The following FSHR variants were observed in gnomAD, a reference collection of about 807,000 sequenced individuals.
The protein encoded by FSHR is follicle stimulating hormone receptor.
Under a neutral mutation model 52.1 loss-of-function variants are expected in FSHR, and 46 were observed. That is an observed-to-expected ratio of 0.88 (90% CI 0.70 to 1.13). FSHR has a LOEUF of 1.13. FSHR is among the 50% of genes most tolerant of loss of function. The probability of loss-of-function intolerance (pLI) is 0.00; values close to 1 mark genes in which losing one functional copy is unlikely to be tolerated. For missense variants in FSHR, 964 were observed against 834.6 expected, an observed-to-expected ratio of 1.16 and a Z score of -1.91; for synonymous variants, 399 against 309.6, an observed-to-expected ratio of 1.29 and a Z score of -3.03.
At chr2:48,972,550 A>C (rs1674789158) in intron 8 of FSHR, among the ~76,000 whole-genome samples, 1 of 152,102 alleles carries the variant, frequency 6.6e-6, no homozygotes. Flanking sequence ...CTCTTTTGGC[A>C]ACGCCTCTTC....
intron 2 of FSHR, among the ~76,000 whole-genome samples, chr2:49,066,655 G>A (rs979388220): frequency 6.6e-6 from 1 of 152,122 alleles, no homozygotes; most frequent in Admixed American, 6.6e-5. Context: ...TACTGAGCCA[G>A]CTGCTGTGGT....
At chr2:49,021,985 T>G in intron 2 of FSHR, among the ~76,000 whole-genome samples, 1 of 141,962 alleles carries the variant, frequency 7.0e-6, no homozygotes. Context: ...GTACAGGGAG[T>G]TCTGAGAGGT....
At chr2:48,994,413 T>C (rs1675926756) in intron 4 of FSHR, among the ~76,000 whole-genome samples, 1 of 152,162 alleles carries the variant, frequency 6.6e-6, no homozygotes, top group African/African-American at 2.4e-5. Context: ...CTTTGATCTT[T>C]ATAGGAAAGA....
chr2:49,023,510 G>T (rs1374404935), intron 2 of FSHR, among the ~76,000 whole-genome samples: 3 of 152,174 alleles, frequency 2.0e-5, no homozygotes, highest in Non-Finnish European at 2.9e-5. Context: ...AGCCTAGCTT[G>T]TCTATGACTT....
At chr2:49,077,515 T>A (rs534860833) in intron 1 of FSHR, among the ~76,000 whole-genome samples, 1 of 152,110 alleles carries the variant, frequency 6.6e-6, no homozygotes, top group African/African-American at 2.4e-5. Flanking sequence ...TGGAGACATT[T>A]CCCCATGTTG....
rs1017103192 is a variant in FSHR at position 48,999,701 on chromosome 2, G to A, written c.375-9064C>T. Among the ~76,000 whole-genome samples the A allele has an allele frequency of 7.9e-5, 12 of 152,034 alleles. 1 individual carries two copies. The highest frequency in any genetic ancestry group is 6.2e-4 in the South Asian group (3 of 4,818). ...ATGAAATGTTACAATGGTCAAATAC[G>A]TTTAGGGAATGCTGGGTTAATAAGG... On this transcript the variant is annotated intron_variant, in intron 4 of 9. Coordinates refer to ENST00000406846, the MANE Select transcript of FSHR (RefSeq NM_000145.4).
intron 4 of FSHR, among the ~76,000 whole-genome samples, chr2:48,992,915 C>A (rs1046753070): frequency 2.0e-5 from 3 of 152,152 alleles, no homozygotes; most frequent in African/African-American, 7.2e-5. Flanking sequence ...CCAAAGTCTA[C>A]AAACTCACCA....
intron 2 of FSHR, among the ~76,000 whole-genome samples, chr2:49,065,871 G>A (rs1487599318): frequency 2.0e-5 from 3 of 152,122 alleles, no homozygotes; most frequent in Non-Finnish European, 2.9e-5. Context: ...TTAATAGGGA[G>A]GCAGGAGAGT....
intron 6 of FSHR, among the ~76,000 whole-genome samples, chr2:48,985,540 G>A (rs1573047509): frequency 6.6e-6 from 1 of 152,112 alleles, no homozygotes; most frequent in Non-Finnish European, 1.5e-5. Flanking sequence ...GAAGGGCTCA[G>A]AAGCCTCTAC....
chr2:48,962,742 G>C lies in FSHR; in HGVS notation c.2079C>G (p.Ala693=). The stretch of plus-strand genomic sequence containing the variant: ...ATTTTCACATTGTGTTTTAGTTTTG[G>C]GCTAAATGACTTAGAGGGACAAGTA... The part of the protein sequence containing the change: ...TYILVPLSHL[A]QN The change falls in exon 10 of 10, where the codon GCC becomes GCG. Residue 693 remains alanine (A), a synonymous_variant. Transcript: ENST00000406846. The C allele has an allele frequency of 6.2e-7, 1 of 1,613,654 alleles. No individual in the cohort carries two copies.
intron 2 of FSHR, among the ~76,000 whole-genome samples, chr2:49,036,873 T>G (rs1289665952): frequency 6.6e-6 from 1 of 152,166 alleles, no homozygotes; most frequent in East Asian, 1.9e-4. Flanking sequence ...GAATAAAATA[T>G]GTCAAACATT....
At chr2:48,980,312 T>C (rs761445952) in intron 8 of FSHR, among the ~76,000 whole-genome samples, 11 of 152,230 alleles carry the variant, frequency 7.2e-5, no homozygotes, top group Non-Finnish European at 1.6e-4. Context: ...GTAAATTGTA[T>C]TCCCTTAATT....
chr2:49,113,086 G>T (rs17038257), intron 1 of FSHR, among the ~76,000 whole-genome samples: 7,759 of 152,132 alleles, frequency 0.051, 634 homozygotes, highest in African/African-American at 0.17. Flanking sequence ...CGCTCTAGAG[G>T]TTATGACTAA....
chr2:49,041,270 G>A (rs1439760127), intron 2 of FSHR, among the ~76,000 whole-genome samples: 2 of 152,084 alleles, frequency 1.3e-5, no homozygotes, highest in African/African-American at 4.8e-5. Flanking sequence ...GCTCATTTGT[G>A]ATGAGTATGG....
intron 3 of FSHR, among the ~76,000 whole-genome samples, chr2:49,019,060 C>T (rs1667599931): frequency 6.6e-6 from 1 of 152,170 alleles, no homozygotes; most frequent in Non-Finnish European, 1.5e-5. Context: ...GGAGGTAGTT[C>T]ATTGGCTTTC....
intron 1 of FSHR, among the ~76,000 whole-genome samples, chr2:49,120,003 C>G (rs1166635810): frequency 6.6e-6 from 1 of 152,192 alleles, no homozygotes; most frequent in Admixed American, 6.5e-5. Flanking sequence ...GGCATCGTGG[C>G]TCACACCTGT....
intron 4 of FSHR, among the ~76,000 whole-genome samples, chr2:48,999,998 T>C (rs1465506648): frequency 1.3e-5 from 2 of 152,138 alleles, no homozygotes; most frequent in African/African-American, 4.8e-5. Context: ...TGGTAAACTC[T>C]GTCTTAGGAG....
chr2:48,962,958 G>A lies in FSHR; in HGVS notation c.1863C>T (p.Ala621=). 6.2e-7 allele frequency: 1 copy of A among 1,614,146 alleles called. No homozygotes were observed. Residue 621 remains alanine (A), a synonymous_variant, in exon 10 of 10, where the codon GCC becomes GCT. Coordinates refer to ENST00000406846, the MANE Select transcript of FSHR (RefSeq NM_000145.4). ...LVLFHPINSC[A]NPFLYAIFTK... is the part of the protein sequence containing the mutation. ...TAAAGATGGCATAGAGGAAGGGGTT[G>A]GCACAGGAGTTGATGGGGTGAAACA...
chr2:49,092,465 G>T (rs1464029247), intron 1 of FSHR, among the ~76,000 whole-genome samples: 2 of 152,106 alleles, frequency 1.3e-5, no homozygotes, highest in Non-Finnish European at 2.9e-5. Flanking sequence ...AATTAAGTAT[G>T]GTGTTTGTGG....
Sources: gnomAD v4.1 joint callset for allele counts (sites outside exome capture counted in the v4.1 genomes callset) on GRCh38, gnomAD v4.1.1 for gene constraint, MANE v1.5 for transcripts, NCBI Gene and HGNC (gene_info 2026-07-23, HGNC 2026-07-21) for gene names.